Variants in RBFOX1 observed in about 807,000 individuals in gnomAD.
The protein encoded by RBFOX1 is RNA binding protein fox-1 homolog 1.
RBFOX1 carries 8 observed loss-of-function variants against 57.7 expected under a neutral mutation model. That is an observed-to-expected ratio of 0.14 (90% CI 0.08 to 0.25). The LOEUF (loss-of-function observed/expected upper bound fraction) is 0.25, where lower values mean the gene tolerates loss of function less well. RBFOX1 is among the 10% of genes least tolerant of loss of function. The pLI is 1.00. For missense variants in RBFOX1, 611 were observed against 548.5 expected, an observed-to-expected ratio of 1.11 and a Z score of -1.14; for synonymous variants, 326 against 222.4, an observed-to-expected ratio of 1.47 and a Z score of -4.15.
chr16:7,309,300 C>G (rs578225750), intron 4 of RBFOX1, among the ~76,000 whole-genome samples: 11 of 152,208 alleles, frequency 7.2e-5, no homozygotes, highest in Admixed American at 2.0e-4. Context: ...GTGCTTCCCC[C>G]CTTTGGGGAA....
At chr16:6,934,821 C>T (rs139518117) in intron 3 of RBFOX1, among the ~76,000 whole-genome samples, 68 of 152,218 alleles carry the variant, frequency 4.5e-4, no homozygotes, top group African/African-American at 1.5e-3. Context: ...TGCGGTGGCT[C>T]CTGCAGGTAA....
chr16:6,537,421 A>G (rs886393729), intron 2 of RBFOX1, among the ~76,000 whole-genome samples: 9 of 152,244 alleles, frequency 5.9e-5, no homozygotes, highest in Non-Finnish European at 1.2e-4. Flanking sequence ...AAATGGAGCC[A>G]TGCGTGTATT....
chr16:7,169,268 C>G (rs950084124), intron 4 of RBFOX1, among the ~76,000 whole-genome samples: 1 of 152,072 alleles, frequency 6.6e-6, no homozygotes, highest in Non-Finnish European at 1.5e-5. Flanking sequence ...TGATGTAATG[C>G]TAAGAATTTT....
chr16:7,349,520 T>C (rs1402428376), intron 4 of RBFOX1, among the ~76,000 whole-genome samples: 2 of 124,652 alleles, frequency 1.6e-5, no homozygotes, highest in African/African-American at 5.1e-5. Context: ...GCACAGAAAA[T>C]TTAAAAGACT....
At chr16:6,958,533 C>G (rs2082320950) in intron 3 of RBFOX1, among the ~76,000 whole-genome samples, 1 of 152,150 alleles carries the variant, frequency 6.6e-6, no homozygotes, top group Non-Finnish European at 1.5e-5. Flanking sequence ...AGAGGAAACA[C>G]ATGGATTGTT....
intron 2 of RBFOX1, among the ~76,000 whole-genome samples, chr16:5,479,409 TC>T (rs2069444112): frequency 6.6e-6 from 1 of 152,154 alleles, no homozygotes; most frequent in Non-Finnish European, 1.5e-5. Flanking sequence ...TCCAAAGGCT[TC>T]CTTTGCAAAG....
intron 3 of RBFOX1, among the ~76,000 whole-genome samples, chr16:5,647,898 C>T (rs546224405): frequency 6.6e-6 from 1 of 152,222 alleles, no homozygotes; most frequent in East Asian, 1.9e-4. Flanking sequence ...TTCATTCTGT[C>T]ACTCAGCCTG....
chr16:5,412,590 TTA>T (rs919305828), intron 1 of RBFOX1, among the ~76,000 whole-genome samples: 1 of 152,078 alleles, frequency 6.6e-6, no homozygotes, highest in Non-Finnish European at 1.5e-5. Flanking sequence ...CTGGAAGGGT[TTA>T]GAGTAGGGGA....
At chr16:7,092,341 T>C (rs1368512508) in intron 4 of RBFOX1, among the ~76,000 whole-genome samples, 3 of 152,202 alleles carry the variant, frequency 2.0e-5, no homozygotes, top group African/African-American at 7.2e-5. Flanking sequence ...TACATTAAAA[T>C]GTGAAGAAGG....
At chr16:6,594,909 G>C (rs4786893) in intron 2 of RBFOX1, among the ~76,000 whole-genome samples, 149,233 of 152,180 alleles carry the variant, frequency 0.98, 73,256 homozygotes, top group East Asian at 1. Context: ...CTGGCTCAGC[G>C]TCTGGAGTAG....
At chr16:5,869,639 G>A (rs867321201) in intron 4 of RBFOX1, among the ~76,000 whole-genome samples, 100 of 152,180 alleles carry the variant, frequency 6.6e-4, no homozygotes, top group African/African-American at 2.3e-3. Context: ...TGACCACCTC[G>A]TGATCTGCCC....
At chr16:5,530,820 GC>G (rs961510034) in intron 2 of RBFOX1, among the ~76,000 whole-genome samples, 4 of 151,892 alleles carry the variant, frequency 2.6e-5, no homozygotes, top group African/African-American at 9.7e-5. Context: ...AGGCGTGGTG[GC>G]TCACGCCTGT....
chr16:7,206,258 T>C (rs1379564180), intron 4 of RBFOX1, among the ~76,000 whole-genome samples: 2 of 152,138 alleles, frequency 1.3e-5, no homozygotes, highest in Non-Finnish European at 2.9e-5. Context: ...TCTTTTGTGT[T>C]TGTATGGCAA....
At position 6,956,151 on chromosome 16, in the gene RBFOX1, A is replaced by T. The variant is rs141849527; in HGVS notation, c.-15-95906A>T. On this transcript the variant is annotated intron_variant, in intron 3 of 15. Coordinates refer to ENST00000550418, the MANE Select transcript of RBFOX1 (RefSeq NM_018723.4). ...GTAAATGGGACCTGGACAGATTGCTAAGTCTGGGAAAAGATGGAATGAGGA... is the reference window on the plus strand; with the variant it reads ...GTAAATGGGACCTGGACAGATTGCTTAGTCTGGGAAAAGATGGAATGAGGA... 1.4e-3 allele frequency among the ~76,000 whole-genome samples: 214 copies of T among 152,264 alleles called. 1 individual carries two copies. Among genetic ancestry groups the T allele is most frequent in the Middle Eastern group, 0.01 (3 of 294 alleles).
intron 2 of RBFOX1, among the ~76,000 whole-genome samples, chr16:5,557,517 G>C (rs898680358): frequency 2.6e-5 from 4 of 152,232 alleles, no homozygotes; most frequent in African/African-American, 9.6e-5. Context: ...GTATCAGAGG[G>C]GTGACTGTGA....
At chr16:7,414,621 T>G (rs1215214323) in intron 4 of RBFOX1, among the ~76,000 whole-genome samples, 2 of 152,124 alleles carry the variant, frequency 1.3e-5, no homozygotes, top group Admixed American at 1.3e-4. Flanking sequence ...TTTATTTTAT[T>G]TATTTATTTA....
At chr16:6,598,753 C>T (rs540545904) in intron 2 of RBFOX1, among the ~76,000 whole-genome samples, 16 of 152,214 alleles carry the variant, frequency 1.1e-4, no homozygotes, top group South Asian at 2.1e-4. Context: ...CGAGACCAGC[C>T]GGACCAATAT....
At chr16:7,325,834 T>C (rs567696261) in intron 4 of RBFOX1, among the ~76,000 whole-genome samples, 1 of 152,320 alleles carries the variant, frequency 6.6e-6, no homozygotes, top group African/African-American at 2.4e-5. Context: ...ATTCTAAATA[T>C]TATGTAGCAT....
chr16:5,309,380 C>G (rs965631917), intron 1 of RBFOX1, among the ~76,000 whole-genome samples: 2 of 152,162 alleles, frequency 1.3e-5, no homozygotes, highest in Admixed American at 1.3e-4. Flanking sequence ...TCAGACAAAA[C>G]TAGGTAGAAC....
Sources: gnomAD v4.1 joint callset for allele counts (sites outside exome capture counted in the v4.1 genomes callset) on GRCh38, gnomAD v4.1.1 for gene constraint, MANE v1.5 for transcripts, NCBI Gene and HGNC (gene_info 2026-07-23, HGNC 2026-07-21) for gene names.